GRID2: variants seen among roughly 807,000 people sequenced by gnomAD.
GRID2 encodes glutamate receptor ionotropic, delta-2.
A neutral mutation model predicts 114.8 loss-of-function variants in GRID2; 33 were observed. The ratio of observed to expected loss-of-function variants is 0.29; its 90% CI spans 0.22 to 0.38. The LOEUF (loss-of-function observed/expected upper bound fraction) is 0.38. GRID2 is among the 10% of genes least tolerant of loss of function. The pLI is 1.00. For synonymous variants in GRID2, 505 were observed against 449.9 expected (o/e 1.12, Z -1.55); for missense variants, 1,184 against 1,257.7 (o/e 0.94, Z 0.89).
chr4:92,532,429 A>G (rs1725400078), intron 1 of GRID2, among the ~76,000 whole-genome samples: 1 of 152,218 alleles, frequency 6.6e-6, no homozygotes, highest in Non-Finnish European at 1.5e-5. Context: ...TCGGGGATTT[A>G]CTAAGCAACA....
intron 14 of GRID2, among the ~76,000 whole-genome samples, chr4:93,653,933 TAGA>T (rs1722795423): frequency 6.6e-6 from 1 of 152,186 alleles, no homozygotes; most frequent in African/African-American, 2.4e-5. Flanking sequence ...GTTCAAATAT[TAGA>T]AGGATTTATT....
intron 14 of GRID2, among the ~76,000 whole-genome samples, chr4:93,655,057 A>G (rs1486467577): frequency 6.6e-6 from 1 of 152,112 alleles, no homozygotes; most frequent in Non-Finnish European, 1.5e-5. Flanking sequence ...CTACCTTTTG[A>G]TCTTACCCAT....
At chr4:93,511,093 C>T (rs1247354405) in intron 12 of GRID2, among the ~76,000 whole-genome samples, 4 of 151,918 alleles carry the variant, frequency 2.6e-5, no homozygotes, top group Admixed American at 6.6e-5. Flanking sequence ...TGTACCAGCA[C>T]GCCCAGCTAA....
At chr4:93,066,584 A>G (rs181523497) in intron 2 of GRID2, among the ~76,000 whole-genome samples, 6 of 152,124 alleles carry the variant, frequency 3.9e-5, no homozygotes, top group Non-Finnish European at 7.4e-5. Flanking sequence ...TGTAGCCTAT[A>G]TGTACTATGT....
At chr4:93,011,645 A>C (rs946710228) in intron 2 of GRID2, among the ~76,000 whole-genome samples, 1 of 152,156 alleles carries the variant, frequency 6.6e-6, no homozygotes, top group Non-Finnish European at 1.5e-5. Context: ...TTACCATGTC[A>C]CATTGACAAT....
intron 9 of GRID2, among the ~76,000 whole-genome samples, chr4:93,414,490 C>T (rs539585743): frequency 2.8e-4 from 42 of 152,124 alleles, no homozygotes; most frequent in Middle Eastern, 3.4e-3. Context: ...GTCCTAGCCA[C>T]GCTAGTGTCT....
chr4:92,811,980 C>A (rs891878054), intron 2 of GRID2, among the ~76,000 whole-genome samples: 4 of 152,096 alleles, frequency 2.6e-5, no homozygotes, highest in Non-Finnish European at 5.9e-5. Flanking sequence ...ATTTTTAAAT[C>A]TTGAGAATAG....
chr4:93,792,445 A>G (rs569264274), intron 1 of GRID2, among the ~76,000 whole-genome samples: 10 of 152,226 alleles, frequency 6.6e-5, no homozygotes, highest in Middle Eastern at 3.4e-3. Context: ...CACCCGCAAA[A>G]TGAAAACTGA....
At chr4:92,451,617 C>A (rs1048623645) in intron 1 of GRID2, among the ~76,000 whole-genome samples, 1 of 151,972 alleles carries the variant, frequency 6.6e-6, no homozygotes, top group African/African-American at 2.4e-5. Flanking sequence ...AGAAGCAAAT[C>A]CTTTGAGTGC....
At chr4:92,321,396 G>A (rs1726308038) in intron 1 of GRID2, among the ~76,000 whole-genome samples, 1 of 152,222 alleles carries the variant, frequency 6.6e-6, no homozygotes, top group Admixed American at 6.5e-5. Flanking sequence ...TTCAAACTGA[G>A]AAGTGGGATA....
At chr4:92,370,511 G>A (rs910983787) in intron 1 of GRID2, among the ~76,000 whole-genome samples, 5 of 152,070 alleles carry the variant, frequency 3.3e-5, no homozygotes, top group South Asian at 2.1e-4. Flanking sequence ...CTAGCCAGGC[G>A]TGGTGGTGGG....
At chr4:93,279,796 CAG>C (rs1752463999) in intron 8 of GRID2, among the ~76,000 whole-genome samples, 1 of 151,852 alleles carries the variant, frequency 6.6e-6, no homozygotes, top group Non-Finnish European at 1.5e-5. Flanking sequence ...AGTTAGAAAA[CAG>C]AGTCACATTA....
At chr4:93,125,610 T>G (rs1160035) in intron 4 of GRID2, among the ~76,000 whole-genome samples, 60,112 of 151,956 alleles carry the variant, frequency 0.4, 12,248 homozygotes, top group Admixed American at 0.55. Context: ...CCATTTAAAA[T>G]TTATTGTGTA....
chr4:92,666,647 G>GTTTTTTTTTTTTTTTTTTTTTTTTTTT (rs137989289), intron 2 of GRID2, among the ~76,000 whole-genome samples: 1 of 72,770 alleles, frequency 1.4e-5, no homozygotes, highest in Non-Finnish European at 2.8e-5. Flanking sequence ...AAACTTAAGG[G>GTTTTTTTTTTTTTTTTTTTTTTTTTTT]TTGTTTTTTT....
At chr4:93,614,038 GA>G (rs1443705284) in intron 13 of GRID2, among the ~76,000 whole-genome samples, 1 of 152,066 alleles carries the variant, frequency 6.6e-6, no homozygotes, top group Non-Finnish European at 1.5e-5. Flanking sequence ...AAGCCGGTCT[GA>G]AAAGCGCAAT....
At chr4:93,810,331 A>AT (rs1427689284), downstream of GRID2, among the ~76,000 whole-genome samples, 3 of 151,986 alleles carry the variant, frequency 2.0e-5, no homozygotes, top group Non-Finnish European at 4.4e-5. Flanking sequence ...GAGATTTTTA[A>AT]TTTTTTTCAT....
At chr4:93,363,909 C>T (rs990568232) in intron 8 of GRID2, among the ~76,000 whole-genome samples, 3 of 152,014 alleles carry the variant, frequency 2.0e-5, no homozygotes, top group Admixed American at 6.6e-5. Flanking sequence ...TTGCTTCCAA[C>T]TTCTCTTCCA....
At chr4:93,306,444 G>A (rs1390799114) in intron 8 of GRID2, 3 of 152,164 alleles carry the variant, frequency 2.0e-5, no homozygotes, top group Non-Finnish European at 2.9e-5. Flanking sequence ...GGAGAGGAAG[G>A]GAAGGTGGAA....
intron 1 of GRID2, among the ~76,000 whole-genome samples, chr4:92,537,909 T>C (rs1041998366): frequency 6.6e-6 from 1 of 151,796 alleles, no homozygotes; most frequent in African/African-American, 2.4e-5. Context: ...ATTTTGACAA[T>C]GTATTAAGTA....
Sources: allele counts gnomAD v4.1 joint callset (sites outside exome capture counted in the v4.1 genomes callset), GRCh38; gene constraint gnomAD v4.1.1; transcripts MANE v1.5; gene names NCBI Gene and HGNC (gene_info 2026-07-23, HGNC 2026-07-21).